The following TASP1 variants were observed in gnomAD, a reference collection of about 807,000 sequenced individuals.
TASP1 encodes the protein taspase 1.
TASP1 carries 16 observed loss-of-function variants against 56.6 expected under a neutral mutation model. That is an observed-to-expected ratio of 0.28 (90% CI 0.19 to 0.43). The LOEUF (loss-of-function observed/expected upper bound fraction) is 0.43. Ranked by LOEUF, TASP1 falls within the 20% of genes least tolerant of loss-of-function variation. The pLI is 1.00. For synonymous variants in TASP1, 179 were observed against 184.2 expected, an observed-to-expected ratio of 0.97 and a Z score of 0.23; for missense variants, 393 against 511.6, an observed-to-expected ratio of 0.77 and a Z score of 2.24.
At chr20:13,391,014 A>C (rs1164487490) in intron 13 of TASP1, among the ~76,000 whole-genome samples, 1 of 152,192 alleles carries the variant, frequency 6.6e-6, no homozygotes, top group Non-Finnish European at 1.5e-5. Flanking sequence ...CAACGAAGAA[A>C]TCTAAGCTGA....
chr20:13,488,209 A>G (rs2043397181), intron 10 of TASP1, among the ~76,000 whole-genome samples: 1 of 152,136 alleles, frequency 6.6e-6, no homozygotes, highest in Non-Finnish European at 1.5e-5. Context: ...ACAGAGTTCC[A>G]AAAAAGAGGA....
At chr20:13,602,806 T>G (rs1017619290) in intron 4 of TASP1, among the ~76,000 whole-genome samples, 21 of 152,334 alleles carry the variant, frequency 1.4e-4, no homozygotes, top group African/African-American at 5.0e-4. Context: ...ATTCCCCTCC[T>G]ACTGTGTGGC....
chr20:13,405,966 C>A (rs1175535791), intron 13 of TASP1, among the ~76,000 whole-genome samples: 1 of 152,144 alleles, frequency 6.6e-6, no homozygotes, highest in Non-Finnish European at 1.5e-5. Flanking sequence ...ATTCCCTTCC[C>A]TCAGAATGCT....
At chr20:13,638,299 T>C (rs2049384137) in intron 1 of TASP1, among the ~76,000 whole-genome samples, 1 of 152,086 alleles carries the variant, frequency 6.6e-6, no homozygotes. Flanking sequence ...GCCAGGAAAG[T>C]TGAACTCTCT....
chr20:13,397,020 C>T (rs1367258904), intron 13 of TASP1, among the ~76,000 whole-genome samples: 3 of 152,210 alleles, frequency 2.0e-5, no homozygotes, highest in Non-Finnish European at 4.4e-5. Flanking sequence ...ACACTTCAGT[C>T]AGAGGCAACA....
the TASP1 span, among the ~76,000 whole-genome samples, chr20:13,116,632 G>A: frequency 2.0e-5 from 3 of 152,052 alleles, no homozygotes; most frequent in Admixed American, 6.5e-5. Context: ...AGGTTCTATC[G>A]TGTATCTGTC....
downstream of TASP1, among the ~76,000 whole-genome samples, chr20:13,386,049 G>A (rs2041160791): frequency 1.3e-5 from 2 of 152,222 alleles, no homozygotes; most frequent in South Asian, 4.1e-4. Context: ...CCTTACCACA[G>A]TGCTTGTTGT....
At chr20:13,555,962 C>T (rs1014803728) in intron 8 of TASP1, among the ~76,000 whole-genome samples, 14 of 152,116 alleles carry the variant, frequency 9.2e-5, no homozygotes, top group African/African-American at 3.4e-4. Flanking sequence ...AAAAGGTATT[C>T]TATTAGCTTT....
intron 11 of TASP1, among the ~76,000 whole-genome samples, chr20:13,477,684 G>T (rs1254289018): frequency 6.6e-6 from 1 of 152,054 alleles, no homozygotes; most frequent in Non-Finnish European, 1.5e-5. Context: ...CTTTTAAAAA[G>T]AACAACTAAA....
At chr20:13,176,994 C>T in the TASP1 span, among the ~76,000 whole-genome samples, 6 of 151,880 alleles carry the variant, frequency 4.0e-5, no homozygotes, top group Non-Finnish European at 7.4e-5. Context: ...AATCCCAGCA[C>T]TTTGGGAGGC....
At chr20:13,549,283 T>C (rs1202362546) in intron 8 of TASP1, among the ~76,000 whole-genome samples, 1 of 152,176 alleles carries the variant, frequency 6.6e-6, no homozygotes, top group African/African-American at 2.4e-5. Flanking sequence ...CCCGACTATG[T>C]ATTTAAAATA....
rs76146267 is a variant in TASP1, at chr20:13,539,834, C to T, written c.676-5693G>A. On this transcript the variant is annotated intron_variant, in intron 8 of 13. Coordinates refer to ENST00000337743, the MANE Select transcript of TASP1 (RefSeq NM_017714.3). ...GCAACATTAAAGGTGGAAAAGGCAA[C>T]AGTTTTCATCTTGGTTTTTAAGATA... Among the ~76,000 whole-genome samples the T allele has an allele frequency of 5.7e-3, 865 of 152,192 alleles. 8 individuals are homozygous for T. The highest frequency in any genetic ancestry group is 0.02 in the African/African-American group (834 of 41,526).
the TASP1 span, among the ~76,000 whole-genome samples, chr20:13,273,215 TTTTTA>T: frequency 3.7e-4 from 48 of 130,702 alleles, no homozygotes; most frequent in African/African-American, 6.3e-4. Flanking sequence ...ACTTGGGTCT[TTTTTA>T]TTTTATTTTA....
At chr20:13,112,632 T>C in the TASP1 span, among the ~76,000 whole-genome samples, 1 of 152,162 alleles carries the variant, frequency 6.6e-6, no homozygotes. Context: ...AAGTCCCCAC[T>C]TTCCAAGAAT....
At chr20:13,609,862 A>C (rs1338799466) in intron 4 of TASP1, among the ~76,000 whole-genome samples, 1 of 152,230 alleles carries the variant, frequency 6.6e-6, no homozygotes, top group Non-Finnish European at 1.5e-5. Flanking sequence ...CCATATGTCC[A>C]TCAATGAATG....
chr20:13,608,231 G>A (rs149720811), intron 4 of TASP1, among the ~76,000 whole-genome samples: 131 of 152,248 alleles, frequency 8.6e-4, no homozygotes, highest in African/African-American at 2.8e-3. Flanking sequence ...CCCAACATCA[G>A]TTTTCATTTA....
chr20:13,471,197 C>A (rs1445246831), intron 11 of TASP1, among the ~76,000 whole-genome samples: 1 of 152,116 alleles, frequency 6.6e-6, no homozygotes, highest in Non-Finnish European at 1.5e-5. Flanking sequence ...GTAGGGTGGA[C>A]AGGGAAAGCT....
chr20:13,461,954 G>A (rs994059013), intron 11 of TASP1, among the ~76,000 whole-genome samples: 1 of 152,138 alleles, frequency 6.6e-6, no homozygotes, highest in African/African-American at 2.4e-5. Flanking sequence ...AGACAATCAT[G>A]TGTCCAGCTA....
chr20:13,621,273 AT>A lies in TASP1; in HGVS notation c.282+2172del, dbSNP rs1216186581. ...ACCCTGTCTCTACTTAAAAAAAAAA[AT>A]ACAAAAATTAGCCGGGTGTGGTGGT... is the stretch of plus-strand genomic sequence containing the variant. On this transcript the variant is annotated intron_variant, in intron 4 of 13. Coordinates refer to ENST00000337743, the MANE Select transcript of TASP1 (RefSeq NM_017714.3). Among the ~76,000 whole-genome samples the A allele has an allele frequency of 3.3e-5, 5 of 151,948 alleles. No homozygotes were observed. In the East Asian group the frequency reaches 9.7e-4, roughly 29 times the overall value.
Sources: allele counts gnomAD v4.1 joint callset (sites outside exome capture counted in the v4.1 genomes callset), GRCh38; gene constraint gnomAD v4.1.1; transcripts MANE v1.5; gene names NCBI Gene and HGNC (gene_info 2026-07-23, HGNC 2026-07-21).